Variants in CSMD1 observed in about 807,000 individuals in gnomAD.
CSMD1 encodes CUB and sushi domain-containing protein 1.
Under a neutral mutation model 417.5 loss-of-function variants are expected in CSMD1, and 213 were observed. That is an observed-to-expected ratio of 0.51 (90% CI 0.46 to 0.57). The LOEUF (loss-of-function observed/expected upper bound fraction) is 0.57. CSMD1 is among the 20% of genes least tolerant of loss of function. The probability of loss-of-function intolerance (pLI) is 0.00; values close to 1 mark genes in which losing one functional copy is unlikely to be tolerated. For synonymous variants in CSMD1, 2,862 were observed against 1,736.8 expected (o/e 1.65, Z -16.11); for missense variants, 6,923 against 4,529.7 (o/e 1.53, Z -15.17).
At chr8:4,602,398 G>C (rs940762543) in intron 2 of CSMD1, among the ~76,000 whole-genome samples, 1 of 152,094 alleles carries the variant, frequency 6.6e-6, no homozygotes, top group Non-Finnish European at 1.5e-5. Flanking sequence ...TAATTTGCTG[G>C]TCCAAGATAC....
At chr8:4,558,966 C>T (rs918943957) in intron 2 of CSMD1, among the ~76,000 whole-genome samples, 2 of 152,082 alleles carry the variant, frequency 1.3e-5, no homozygotes, top group African/African-American at 2.4e-5. Flanking sequence ...TGATACTTTC[C>T]CTGACTGAAC....
At chr8:4,725,984 G>C (rs1175743108) in intron 1 of CSMD1, among the ~76,000 whole-genome samples, 3 of 151,994 alleles carry the variant, frequency 2.0e-5, no homozygotes, top group Non-Finnish European at 4.4e-5. Context: ...GTGGAATTTT[G>C]GTATCACGAA....
At chr8:4,574,210 C>A (rs1679401038) in intron 2 of CSMD1, among the ~76,000 whole-genome samples, 1 of 152,118 alleles carries the variant, frequency 6.6e-6, no homozygotes, top group Non-Finnish European at 1.5e-5. Context: ...TCTGTCTGAA[C>A]AGCTGCCGAG....
chr8:4,608,015 T>C (rs889609329), intron 2 of CSMD1, among the ~76,000 whole-genome samples: 9 of 152,004 alleles, frequency 5.9e-5, no homozygotes, highest in African/African-American at 1.9e-4. Context: ...TCAGGGATAA[T>C]GTGAGGGTGT....
At chr8:3,722,743 C>G (rs989795580) in intron 6 of CSMD1, among the ~76,000 whole-genome samples, 5 of 152,162 alleles carry the variant, frequency 3.3e-5, no homozygotes, top group African/African-American at 1.2e-4. Context: ...GTTAGGTTTT[C>G]TAATATTAGC....
intron 1 of CSMD1, among the ~76,000 whole-genome samples, chr8:4,923,391 T>A (rs1365725013): frequency 6.6e-6 from 1 of 152,188 alleles, no homozygotes; most frequent in Non-Finnish European, 1.5e-5. Context: ...GTAACTGGAT[T>A]GTTTGATACT....
At chr8:3,387,751 C>A in intron 17 of CSMD1, 69 bp from the exon 18 acceptor site, 2 of 1,227,482 alleles carry the variant, frequency 1.6e-6, no homozygotes, top group South Asian at 1.5e-5. Flanking sequence ...GAGACCCACG[C>A]CATCAACTAC....
chr8:3,821,557 C>T (rs974218896), intron 5 of CSMD1, among the ~76,000 whole-genome samples: 18 of 152,174 alleles, frequency 1.2e-4, no homozygotes, highest in Non-Finnish European at 2.1e-4. Flanking sequence ...CCGAGGAGGG[C>T]GGATCACTGA....
At position 3,905,021 on chromosome 8, in the gene CSMD1, G is replaced by C. The variant is rs192972185; in HGVS notation, c.818+92882C>G. On this transcript the variant is annotated intron_variant, in intron 5 of 69. Transcript: ENST00000635120. The stretch of plus-strand genomic sequence containing the variant: ...ACAAATATAGAATACTCTTCAGCTA[G>C]AACTTGTACTGGTGACTGATTTTCT... 1.9e-3 allele frequency among the ~76,000 whole-genome samples: 290 copies of C among 152,230 alleles called. 2 individuals carry two copies. Among genetic ancestry groups the C allele is most frequent in the African/African-American group, 1.8e-3 (75 of 41,546 alleles).
At chr8:4,227,317 C>T (rs1244627378) in intron 3 of CSMD1, among the ~76,000 whole-genome samples, 1 of 152,100 alleles carries the variant, frequency 6.6e-6, no homozygotes, top group Non-Finnish European at 1.5e-5. Flanking sequence ...GTGGCCTCTC[C>T]CACCACTCAC....
At chr8:3,424,207 C>G (rs566193382) in intron 12 of CSMD1, among the ~76,000 whole-genome samples, 2 of 152,214 alleles carry the variant, frequency 1.3e-5, no homozygotes, top group Middle Eastern at 3.4e-3. Context: ...GTACAGGAAG[C>G]TCATTTGTAT....
chr8:3,559,791 G>C (rs1023049819), intron 10 of CSMD1, among the ~76,000 whole-genome samples: 2 of 152,128 alleles, frequency 1.3e-5, no homozygotes, highest in African/African-American at 2.4e-5. Context: ...AGAAAATGGA[G>C]AGTGAGGAGA....
In CSMD1 at chr8:3,032,871, C is replaced by A. The variant is rs530892732; in HGVS notation, c.7661-3358G>T. ...TAAAAAACACTGATCTCTTTATATA[C>A]CCTTCATTAAAAATTTAAAATTTTC... On this transcript the variant is annotated intron_variant, in intron 50 of 69. Coordinates refer to ENST00000635120, the MANE Select transcript of CSMD1 (RefSeq NM_033225.6). Among the ~76,000 whole-genome samples, 19 of 152,094 alleles carry A rather than the reference C, an allele frequency of 1.2e-4. No homozygotes were observed. The East Asian group carries it at 2.9e-3, about 23-fold the overall frequency.
chr8:3,966,516 G>T (rs912558140), intron 5 of CSMD1, among the ~76,000 whole-genome samples: 1 of 152,040 alleles, frequency 6.6e-6, no homozygotes, highest in African/African-American at 2.4e-5. Flanking sequence ...ATCAGTTCCT[G>T]GGAGAAAATT....
intron 25 of CSMD1, among the ~76,000 whole-genome samples, chr8:3,297,737 G>A (rs1804075956): frequency 6.6e-6 from 1 of 152,116 alleles, no homozygotes; most frequent in South Asian, 2.1e-4. Context: ...ATAGCTTTGG[G>A]GAGGGAGGAG....
intron 3 of CSMD1, among the ~76,000 whole-genome samples, chr8:4,148,892 T>G (rs1796423997): frequency 1.3e-5 from 2 of 152,110 alleles, no homozygotes; most frequent in Admixed American, 1.3e-4. Context: ...TGCATTCCAT[T>G]CCCAACATAG....
chr8:4,673,736 C>T (rs573465560), intron 1 of CSMD1, among the ~76,000 whole-genome samples: 4 of 152,202 alleles, frequency 2.6e-5, no homozygotes, highest in Non-Finnish European at 5.9e-5. Context: ...CGACATAATG[C>T]TAAGTGTAAG....
chr8:3,665,879 T>G (rs1798666616), intron 7 of CSMD1, among the ~76,000 whole-genome samples: 2 of 151,996 alleles, frequency 1.3e-5, no homozygotes, highest in Non-Finnish European at 2.9e-5. Flanking sequence ...GCTTTTTTGT[T>G]GTTGTTTTGT....
rs141814283 is a variant in CSMD1, at chr8:3,497,040, C to G, written c.1345-3314G>C. Among the ~76,000 whole-genome samples, 71 of 152,130 alleles carry G rather than the reference C, an allele frequency of 4.7e-4. 2 individuals carry two copies. The highest frequency in any genetic ancestry group is 1.7e-3 in the African/African-American group (70 of 41,492). ...TTTAGATTTTTAAAAAATTTGTTGA[C>G]CCTTGTTTTGTGGGATAACATACGA... On this transcript the variant is annotated intron_variant, in intron 10 of 69. Transcript: ENST00000635120.
Sources: allele counts gnomAD v4.1 joint callset (sites outside exome capture counted in the v4.1 genomes callset), GRCh38; gene constraint gnomAD v4.1.1; transcripts MANE v1.5; gene names NCBI Gene and HGNC (gene_info 2026-07-23, HGNC 2026-07-21).